The following RPS6KA5 variants were observed in gnomAD, a reference collection of about 807,000 sequenced individuals.
The protein encoded by RPS6KA5 is ribosomal protein S6 kinase alpha-5.
A neutral mutation model predicts 85.5 loss-of-function variants in RPS6KA5; 27 were observed. The observed-to-expected ratio is 0.32, with a 90% CI of 0.23 to 0.44. The LOEUF (loss-of-function observed/expected upper bound fraction) is 0.44. Among genes scored for constraint, RPS6KA5 ranks in the 20% least tolerant of loss-of-function variants. The pLI, the probability that RPS6KA5 is intolerant of heterozygous loss-of-function variation, is 1.00. For synonymous variants in RPS6KA5, 334 were observed against 348.2 expected, an observed-to-expected ratio of 0.96 and a Z score of 0.46; for missense variants, 811 against 980.9, an observed-to-expected ratio of 0.83 and a Z score of 2.31.
At chr14:91,016,510 C>T (rs974310554) in intron 1 of RPS6KA5, among the ~76,000 whole-genome samples, 1 of 152,104 alleles carries the variant, frequency 6.6e-6, no homozygotes, top group Non-Finnish European at 1.5e-5. Context: ...TACACTCATA[C>T]ATACTACATA....
Position 90,875,309 on chromosome 14 carries a change from T to A in RPS6KA5, c.1888A>T (p.Thr630Ser), listed in dbSNP as rs2033386503. Residue 630 changes from threonine to serine, a missense_variant, in exon 15 of 17, where the codon ACG becomes TCG. Thr to Ser is a moderately conservative substitution (Grantham distance 58). This residue lies in a region of RPS6KA5 where 650 missense variants were observed against 793.4 expected (regional missense o/e 0.82). Coordinates refer to ENST00000614987, the MANE Select transcript of RPS6KA5 (RefSeq NM_004755.4). ...ATGATTTCCACCGCGCTGGTACACG[T>A]CAAACTTCGGTCATGAGATTGGAAG... ...VPFQSHDRSL[T>S]CTSAVEIMKK... 6.2e-7 allele frequency: 1 copy of A among 1,613,846 alleles called. No homozygotes were observed. Among genetic ancestry groups the A allele is most frequent in the Non-Finnish European group, 8.5e-7 (1 of 1,179,898 alleles).
intron 2 of RPS6KA5, among the ~76,000 whole-genome samples, chr14:90,996,199 T>G (rs564493112): frequency 6.6e-6 from 1 of 152,006 alleles, no homozygotes; most frequent in African/African-American, 2.4e-5. Context: ...TTTTGTTTTT[T>G]TTTTTGTTTT....
Position 90,858,479 on chromosome 14 carries a change from A to C in RPS6KA5, c.*13595T>G, listed in dbSNP as rs1347109137. ...ACCACTACTAAGAACAGAATGCTAT[A>C]AAGAGAACGATGTCCTTTTTTTCTG... On this transcript the variant is annotated 3_prime_UTR_variant, in exon 17 of 17. Transcript: ENST00000614987. 6.6e-6 allele frequency: 1 copy of C among 152,222 alleles called. No homozygotes were observed. The highest frequency in any genetic ancestry group is 6.5e-5 in the Admixed American group (1 of 15,280). The allele number at this position is 152,222 out of a possible 1,614,324, so 9.4% of individuals were successfully genotyped here.
rs1271044654 is a variant in RPS6KA5 at position 90,933,698 on chromosome 14, C to A, written c.618+9380G>T. The stretch of plus-strand genomic sequence containing the variant: ...CTACTCAAAACTCCCCAGTGGCTCC[C>A]CATTTTGTGCAGGGAAGAAGCCATA... On this transcript the variant is annotated intron_variant, in intron 5 of 16. Transcript: ENST00000614987. 2.0e-5 allele frequency among the ~76,000 whole-genome samples: 3 copies of A among 152,194 alleles called. No individual in the cohort carries two copies. In the East Asian group the frequency reaches 5.8e-4, roughly 29 times the overall value.
Position 90,902,862 on chromosome 14 carries a change from C to T in RPS6KA5, c.1065G>A (p.Met355Ile). 1.2e-6 allele frequency: 2 copies of T among 1,614,020 alleles called. No homozygotes were observed. The highest frequency in any genetic ancestry group is 1.7e-6 in the Non-Finnish European group (2 of 1,179,968). ...GGGCTGCGGGAGAATAAGTGGGATC[C>T]ATTTCTGTGAACTCTTCTGCAAAGT... ...VSNFAEEFTE[M>I]DPTYSPAALP... The change falls in exon 9 of 17, where the codon ATG becomes ATA. Residue 355 changes from methionine (M) to isoleucine (I), a missense_variant. Met to Ile is a conservative substitution (Grantham distance 10, BLOSUM62 1). This residue lies in a region of RPS6KA5 where 650 missense variants were observed against 793.4 expected (regional missense o/e 0.82). Coordinates refer to ENST00000614987, the MANE Select transcript of RPS6KA5 (RefSeq NM_004755.4).
intron 5 of RPS6KA5, among the ~76,000 whole-genome samples, chr14:90,938,960 C>G (rs1160339942): frequency 6.6e-6 from 1 of 152,228 alleles, no homozygotes; most frequent in Admixed American, 6.5e-5. Context: ...TTGAATTTCT[C>G]TTCAGAAAAC....
chr14:91,010,572 A>G (rs189027174), intron 1 of RPS6KA5, among the ~76,000 whole-genome samples: 63 of 152,378 alleles, frequency 4.1e-4, no homozygotes, highest in African/African-American at 1.3e-3. Flanking sequence ...AAGCCTCAGC[A>G]TAAAAGTATG....
chr14:91,053,518 A>G (rs969256759), intron 1 of RPS6KA5, among the ~76,000 whole-genome samples: 1 of 152,242 alleles, frequency 6.6e-6, no homozygotes, highest in African/African-American at 2.4e-5. Context: ...GCAGGACACA[A>G]GGTAAAAACT....
intron 7 of RPS6KA5, among the ~76,000 whole-genome samples, chr14:90,913,149 G>T (rs889741876): frequency 6.6e-6 from 1 of 151,968 alleles, no homozygotes; most frequent in East Asian, 1.9e-4. Context: ...GACCTCAAGT[G>T]ATCCACCCTC....
intron 3 of RPS6KA5, among the ~76,000 whole-genome samples, chr14:90,958,705 C>A (rs1466443938): frequency 6.6e-6 from 1 of 152,068 alleles, no homozygotes; most frequent in Non-Finnish European, 1.5e-5. Flanking sequence ...GCACTGCACA[C>A]ACAGCATTGA....
intron 5 of RPS6KA5, among the ~76,000 whole-genome samples, chr14:90,939,126 T>C (rs575304699): frequency 1.3e-5 from 2 of 152,292 alleles, no homozygotes; most frequent in South Asian, 4.1e-4. Flanking sequence ...CTAAATCACC[T>C]CTCTCAAGTT....
intron 1 of RPS6KA5, among the ~76,000 whole-genome samples, chr14:91,031,328 A>G (rs1189728958): frequency 1.3e-5 from 2 of 151,992 alleles, no homozygotes; most frequent in Non-Finnish European, 2.9e-5. Context: ...AGCTTTTCCA[A>G]AAAAAAATCT....
intron 1 of RPS6KA5, among the ~76,000 whole-genome samples, chr14:91,048,699 G>A (rs2042959856): frequency 6.6e-6 from 1 of 152,202 alleles, no homozygotes; most frequent in Admixed American, 6.5e-5. Context: ...GATGAATGTA[G>A]GAGTGATCAT....
chr14:90,915,182 A>G (rs985525043), intron 7 of RPS6KA5, among the ~76,000 whole-genome samples: 18 of 152,196 alleles, frequency 1.2e-4, no homozygotes, highest in Admixed American at 1.2e-3. Context: ...AAAATTAATT[A>G]CCTAGACCAA....
rs190825781 is a variant in RPS6KA5 at position 91,044,084 on chromosome 14, G to A, written c.103+16248C>T. 8.4e-3 allele frequency among the ~76,000 whole-genome samples: 1,276 copies of A among 151,992 alleles called. 9 individuals are homozygous for A. Among genetic ancestry groups the A allele is most frequent in the Middle Eastern group, 0.02 (6 of 294 alleles). On this transcript the variant is annotated intron_variant, in intron 1 of 16. Transcript: ENST00000614987. ...TCTACTAAAAATACAAAAATTAGCT[G>A]GGCATGGTGGTGGGCACTTGTAATC...
intron 14 of RPS6KA5, among the ~76,000 whole-genome samples, chr14:90,882,124 T>C (rs2033881383): frequency 6.6e-6 from 1 of 152,224 alleles, no homozygotes; most frequent in African/African-American, 2.4e-5. Context: ...TTTAAATTCC[T>C]TTCTTTTTTC....
At chr14:90,961,991 G>A (rs962339896) in intron 3 of RPS6KA5, among the ~76,000 whole-genome samples, 2 of 152,168 alleles carry the variant, frequency 1.3e-5, no homozygotes, top group African/African-American at 4.8e-5. Flanking sequence ...AGTATCTGCA[G>A]ACCAAATATC....
At chr14:91,047,507 G>A (rs1052464102) in intron 1 of RPS6KA5, among the ~76,000 whole-genome samples, 20 of 152,174 alleles carry the variant, frequency 1.3e-4, no homozygotes, top group African/African-American at 3.9e-4. Flanking sequence ...AGAATGACAC[G>A]TGTTACCATT....
intron 14 of RPS6KA5, among the ~76,000 whole-genome samples, chr14:90,881,377 C>G (rs1438416333): frequency 6.7e-6 from 1 of 150,036 alleles, no homozygotes. Flanking sequence ...TGCCTGAACT[C>G]GGGAGGCAGA....
Sources: gnomAD v4.1 joint callset for allele counts (sites outside exome capture counted in the v4.1 genomes callset) on GRCh38, gnomAD v4.1.1 for gene constraint, gnomAD v4.1.1 regional missense constraint, MANE v1.5 for transcripts, NCBI Gene and HGNC (gene_info 2026-07-23, HGNC 2026-07-21) for gene names.